Variants in RARB observed in about 807,000 individuals in gnomAD.
The protein encoded by RARB is retinoic acid receptor beta.
In RARB, 17 loss-of-function variants were observed where a neutral mutation model predicts 51.9. The observed-to-expected ratio is 0.33, with a 90% confidence interval of 0.22 to 0.49. The LOEUF is 0.49. Ranked by LOEUF, RARB falls within the 20% of genes least tolerant of loss-of-function variation. The pLI, the probability that RARB is intolerant of heterozygous loss-of-function variation, is 0.99. For synonymous variants in RARB, 215 were observed against 195.4 expected (o/e 1.10, Z -0.84); for missense variants, 369 against 550.8 (o/e 0.67, Z 3.30).
chr3:25,032,177 T>C (rs996598304), intron 2 of RARB, among the ~76,000 whole-genome samples: 9 of 152,344 alleles, frequency 5.9e-5, no homozygotes, highest in Middle Eastern at 3.4e-3. Context: ...TAGCCAGTGT[T>C]GGTGACAATA....
intron 5 of RARB, among the ~76,000 whole-genome samples, chr3:25,186,986 C>T (rs549832256): frequency 1.6e-4 from 24 of 149,332 alleles, no homozygotes; most frequent in South Asian, 6.4e-4. Flanking sequence ...ATCAGTCACA[C>T]GATGGAACAA....
chr3:25,446,411 G>T (rs1708932658), intron 1 of RARB, among the ~76,000 whole-genome samples: 1 of 152,198 alleles, frequency 6.6e-6, no homozygotes, highest in South Asian at 2.1e-4. Context: ...CCCCCATGGG[G>T]GGCAGAGTTG....
chr3:25,161,885 AT>A, intron 4 of RARB, among the ~76,000 whole-genome samples: 1 of 152,308 alleles, frequency 6.6e-6, no homozygotes, highest in South Asian at 2.1e-4. Flanking sequence ...AGCCCCCTGG[AT>A]TATGAGAGCC....
intron 5 of RARB, among the ~76,000 whole-genome samples, chr3:25,257,639 A>G (rs1429616249): frequency 6.6e-6 from 1 of 152,162 alleles, no homozygotes; most frequent in Admixed American, 6.6e-5. Flanking sequence ...CCTGTGTCCA[A>G]GTTCGTCCAA....
intron 2 of RARB, among the ~76,000 whole-genome samples, chr3:24,887,316 T>C (rs1230378592): frequency 6.6e-6 from 1 of 152,204 alleles, no homozygotes; most frequent in Non-Finnish European, 1.5e-5. Context: ...AAGATTTATA[T>C]CTGTAACATA....
chr3:25,181,687 T>G (rs931011398), intron 5 of RARB, among the ~76,000 whole-genome samples: 2 of 152,198 alleles, frequency 1.3e-5, no homozygotes, highest in Non-Finnish European at 2.9e-5. Context: ...AATCATAACT[T>G]CATTTTACAT....
chr3:24,838,365 G>A (rs1160153408), intron 1 of RARB, among the ~76,000 whole-genome samples: 1 of 152,106 alleles, frequency 6.6e-6, no homozygotes, highest in Non-Finnish European at 1.5e-5. Context: ...TGCCATGAAA[G>A]GTAACTTATT....
chr3:24,957,161 C>G (rs1206037441), intron 2 of RARB, among the ~76,000 whole-genome samples: 1 of 152,100 alleles, frequency 6.6e-6, no homozygotes, highest in Non-Finnish European at 1.5e-5. Flanking sequence ...CTAATGAGTG[C>G]CTCACTTCTG....
intron 5 of RARB, among the ~76,000 whole-genome samples, chr3:25,391,908 A>G (rs1192045692): frequency 6.6e-6 from 1 of 151,826 alleles, no homozygotes; most frequent in Non-Finnish European, 1.5e-5. Context: ...AGTCTCATCT[A>G]TTTATCTTTG....
chr3:25,276,979 A>G (rs1223258572), intron 5 of RARB, among the ~76,000 whole-genome samples: 1 of 152,214 alleles, frequency 6.6e-6, no homozygotes, highest in Non-Finnish European at 1.5e-5. Flanking sequence ...AGAAAGAGTG[A>G]AAATAAGTGA....
chr3:24,980,062 A>G (rs1696609085), intron 2 of RARB, among the ~76,000 whole-genome samples: 1 of 152,192 alleles, frequency 6.6e-6, no homozygotes, highest in Non-Finnish European at 1.5e-5. Flanking sequence ...TTCTAGGTTG[A>G]AAATTCTTTT....
intron 3 of RARB, among the ~76,000 whole-genome samples, chr3:25,511,985 C>T (rs1697917350): frequency 6.6e-6 from 1 of 152,120 alleles, no homozygotes; most frequent in South Asian, 2.1e-4. Flanking sequence ...AGATTCATAC[C>T]CCAGCCCACC....
chr3:24,979,325 C>T (rs1357845835), intron 2 of RARB, among the ~76,000 whole-genome samples: 1 of 147,522 alleles, frequency 6.8e-6, no homozygotes, highest in African/African-American at 2.5e-5. Context: ...TTCTGTCTCA[C>T]AGTTGTGTGT....
intron 5 of RARB, among the ~76,000 whole-genome samples, chr3:25,200,383 T>G (rs1199784631): frequency 6.6e-6 from 1 of 152,088 alleles, no homozygotes; most frequent in Non-Finnish European, 1.5e-5. Flanking sequence ...TTTCTCCCAT[T>G]CTGTAGGTTG....
chr3:25,345,274 G>A (rs1705354105), intron 5 of RARB, among the ~76,000 whole-genome samples: 1 of 152,142 alleles, frequency 6.6e-6, no homozygotes, highest in Admixed American at 6.5e-5. Flanking sequence ...TGAAAAAGAA[G>A]CAACTGAGGC....
intron 3 of RARB, among the ~76,000 whole-genome samples, chr3:25,107,850 A>T (rs1699535437): frequency 6.6e-6 from 1 of 152,362 alleles, no homozygotes; most frequent in Admixed American, 6.5e-5. Flanking sequence ...TTCTTACTGT[A>T]GATCTTAGCA....
intron 3 of RARB, among the ~76,000 whole-genome samples, chr3:25,504,222 C>G (rs1197776320): frequency 1.3e-5 from 2 of 152,182 alleles, no homozygotes; most frequent in Non-Finnish European, 2.9e-5. Context: ...CTCTTTGTCT[C>G]TCACAGCTGA....
chr3:25,195,848 TAA>T (rs1701220430), intron 5 of RARB, among the ~76,000 whole-genome samples: 1 of 151,976 alleles, frequency 6.6e-6, no homozygotes, highest in Non-Finnish European at 1.5e-5. Context: ...TTCTATAAAA[TAA>T]AGTTATATAA....
intron 4 of RARB, among the ~76,000 whole-genome samples, chr3:25,164,454 A>G (rs982899301): frequency 2.6e-5 from 4 of 152,210 alleles, no homozygotes; most frequent in African/African-American, 7.2e-5. Flanking sequence ...CTGACCTACT[A>G]TGGAACCATG....
Sources: gnomAD v4.1 joint callset for allele counts (sites outside exome capture counted in the v4.1 genomes callset) on GRCh38, gnomAD v4.1.1 for gene constraint, MANE v1.5 for transcripts, NCBI Gene and HGNC (gene_info 2026-07-23, HGNC 2026-07-21) for gene names.